Variants in PDE10A observed in about 807,000 individuals in gnomAD.
PDE10A encodes phosphodiesterase 10A, also known as cAMP and cAMP-inhibited cGMP 3',5'-cyclic phosphodiesterase 10A.
A neutral mutation model predicts 97.7 loss-of-function variants in PDE10A; 39 were observed. The ratio of observed to expected loss-of-function variants is 0.40; its 90% CI spans 0.31 to 0.52. The LOEUF is 0.52. PDE10A is among the 20% of genes least tolerant of loss of function. PDE10A has a pLI of 0.56. For missense variants in PDE10A, 731 were observed against 1,047.8 expected, an observed-to-expected ratio of 0.70 and a Z score of 4.17; for synonymous variants, 371 against 376.8, an observed-to-expected ratio of 0.98 and a Z score of 0.18.
At chr6:165,381,942 T>C (rs1183228692) in intron 17 of PDE10A, among the ~76,000 whole-genome samples, 1 of 152,170 alleles carries the variant, frequency 6.6e-6, no homozygotes, top group African/African-American at 2.4e-5. Context: ...TATAATGCAT[T>C]ATAATACTTT....
At chr6:165,463,868 T>C (rs1052939344) in intron 3 of PDE10A, among the ~76,000 whole-genome samples, 4 of 152,372 alleles carry the variant, frequency 2.6e-5, no homozygotes, top group Admixed American at 2.0e-4. Flanking sequence ...CCACAAACAA[T>C]AGCATGAGTG....
intron 18 of PDE10A, among the ~76,000 whole-genome samples, chr6:165,371,054 A>T (rs2128201062): frequency 6.8e-6 from 1 of 146,192 alleles, no homozygotes; most frequent in East Asian, 2.0e-4. Flanking sequence ...ACAACATACC[A>T]GAATCTCTGG....
chr6:165,400,442 T>G (rs538180017), intron 13 of PDE10A, among the ~76,000 whole-genome samples: 60 of 152,238 alleles, frequency 3.9e-4, no homozygotes, highest in South Asian at 8.3e-4. Flanking sequence ...ATAATCTATC[T>G]GATAAATGAA....
chr6:165,785,892 C>G (rs1024589333), intron 1 of PDE10A, among the ~76,000 whole-genome samples: 1 of 152,174 alleles, frequency 6.6e-6, no homozygotes, highest in African/African-American at 2.4e-5. Flanking sequence ...GTTTGAAGGC[C>G]TGTGATAGAG....
intron 2 of PDE10A, among the ~76,000 whole-genome samples, chr6:165,521,432 A>G (rs1180385277): frequency 2.0e-5 from 3 of 152,224 alleles, no homozygotes; most frequent in Non-Finnish European, 4.4e-5. Flanking sequence ...AGGCACGTCA[A>G]AAGCTGGGAC....
chr6:165,820,782 G>T (rs1554327384), intron 1 of PDE10A, among the ~76,000 whole-genome samples: 1 of 152,220 alleles, frequency 6.6e-6, no homozygotes, highest in Non-Finnish European at 1.5e-5. Flanking sequence ...GAAGGCTCTT[G>T]CCATGTTTAT....
At chr6:165,385,626 T>G (rs1405284015) in intron 17 of PDE10A, among the ~76,000 whole-genome samples, 1 of 152,212 alleles carries the variant, frequency 6.6e-6, no homozygotes, top group Admixed American at 6.5e-5. Context: ...TGTTTGTTAT[T>G]AAATTGGATT....
At chr6:165,811,275 A>G (rs990652435) in intron 1 of PDE10A, among the ~76,000 whole-genome samples, 1 of 152,204 alleles carries the variant, frequency 6.6e-6, no homozygotes, top group Non-Finnish European at 1.5e-5. Flanking sequence ...CCTAGAAGCT[A>G]GCATCTGAAC....
At chr6:165,758,359 G>A (rs1372686657) in intron 1 of PDE10A, among the ~76,000 whole-genome samples, 1 of 152,180 alleles carries the variant, frequency 6.6e-6, no homozygotes, top group African/African-American at 2.4e-5. Context: ...TACTTGGGAG[G>A]CTGAGGCAGG....
chr6:165,888,573 C>T (rs141683797), intron 1 of PDE10A, among the ~76,000 whole-genome samples: 11 of 152,300 alleles, frequency 7.2e-5, no homozygotes, highest in East Asian at 1.9e-4. Context: ...CGTGAGCCAC[C>T]GCACCTGGCC....
At chr6:165,379,477 A>T in intron 17 of PDE10A, 111 bp from the exon 18 acceptor site, 1 of 799,082 alleles carries the variant, frequency 1.3e-6, no homozygotes, top group Non-Finnish European at 1.9e-6. Flanking sequence ...TGGCACACTA[A>T]TGAAAGGTTT....
At chr6:165,392,484 A>G (rs1562415472) in intron 16 of PDE10A, among the ~76,000 whole-genome samples, 162 bp downstream of exon 16, 1 of 152,310 alleles carries the variant, frequency 6.6e-6, no homozygotes, top group Non-Finnish European at 1.5e-5. Flanking sequence ...AATATGCTAA[A>G]TGTTTGGGTA....
intron 1 of PDE10A, among the ~76,000 whole-genome samples, chr6:165,557,581 T>C (rs529044430): frequency 1.3e-5 from 2 of 152,098 alleles, no homozygotes; most frequent in African/African-American, 4.8e-5. Context: ...TTGAAACAAA[T>C]AAAAATCACA....
At chr6:165,415,191 T>C (rs939614105) in intron 12 of PDE10A, among the ~76,000 whole-genome samples, 2 of 152,226 alleles carry the variant, frequency 1.3e-5, no homozygotes, top group Admixed American at 1.3e-4. Context: ...ATATATTTAA[T>C]TTTTAAGTAC....
At chr6:165,847,582 A>G (rs950713506) in intron 1 of PDE10A, among the ~76,000 whole-genome samples, 2 of 152,246 alleles carry the variant, frequency 1.3e-5, no homozygotes, top group East Asian at 3.8e-4. Context: ...TCATCTAAAC[A>G]AGAGTTTAGA....
chr6:165,916,062 T>C (rs1313342901), intron 1 of PDE10A, among the ~76,000 whole-genome samples: 2 of 152,234 alleles, frequency 1.3e-5, no homozygotes, highest in African/African-American at 4.8e-5. Flanking sequence ...CAGCAATCAA[T>C]GAGTAATTGC....
At chr6:165,606,298 G>A (rs188948423) in intron 1 of PDE10A, among the ~76,000 whole-genome samples, 49 of 152,260 alleles carry the variant, frequency 3.2e-4, no homozygotes, top group Non-Finnish European at 6.5e-4. Context: ...AGGGCTAAGT[G>A]TTGCTGAGAT....
At position 165,912,649 on chromosome 6, in the gene PDE10A, G is replaced by A. The variant is rs74347928; in HGVS notation, c.-615+74880C>T. On this transcript the variant is annotated intron_variant, in intron 1 of 19. Coordinates refer to the PDE10A transcript ENST00000366882. ...CTTATGGAGAAAACAGATGTTAGAG[G>A]AATTGTGTTCATGCTTGAGTGTTAG... Among the ~76,000 whole-genome samples the A allele has an allele frequency of 5.8e-3, 878 of 152,314 alleles. 5 individuals are homozygous for A. Among genetic ancestry groups the A allele is most frequent in the Middle Eastern group, 0.024 (7 of 294 alleles).
chr6:165,915,169 A>G (rs778632303), intron 1 of PDE10A, among the ~76,000 whole-genome samples: 7 of 152,080 alleles, frequency 4.6e-5, no homozygotes, highest in Non-Finnish European at 8.8e-5. Context: ...ATGCGTCGTC[A>G]AACTGCTTGT....
Sources: gnomAD v4.1 joint callset for allele counts (sites outside exome capture counted in the v4.1 genomes callset) on GRCh38, gnomAD v4.1.1 for gene constraint, MANE v1.5 for transcripts, NCBI Gene and HGNC (gene_info 2026-07-23, HGNC 2026-07-21) for gene names.